Variants in SYN2 observed in about 807,000 individuals in gnomAD.
SYN2 encodes synapsin-2.
A neutral mutation model predicts 50.9 loss-of-function variants in SYN2; 19 were observed. The ratio of observed to expected loss-of-function variants is 0.37; its 90% CI spans 0.26 to 0.55. The LOEUF is 0.55. Ranked by LOEUF, SYN2 falls within the 20% of genes least tolerant of loss-of-function variation. The probability of loss-of-function intolerance (pLI) is 0.81; values close to 1 mark genes in which losing one functional copy is unlikely to be tolerated. For missense variants in SYN2, 587 were observed against 576.4 expected (o/e 1.02, Z -0.19); for synonymous variants, 255 against 224.9 (o/e 1.13, Z -1.20).
At chr3:12,139,887 CATAAAAATATCTGCTT>C (rs1696976114) in intron 1 of SYN2, among the ~76,000 whole-genome samples, 1 of 152,122 alleles carries the variant, frequency 6.6e-6, no homozygotes, top group Non-Finnish European at 1.5e-5. Flanking sequence ...TAAATATAAG[CATAAAAATATCTGCTT>C]ATAAGGGATT....
chr3:12,185,789 C>T (rs778998900), intron 11 of SYN2: 2 of 983,310 alleles, frequency 2.0e-6, no homozygotes, highest in Non-Finnish European at 2.4e-6. Context: ...GGAAAGCACT[C>T]AGGTTTCTGG....
At chr3:12,035,747 A>C (rs145599277) in intron 1 of SYN2, among the ~76,000 whole-genome samples, 1,737 of 152,270 alleles carry the variant, frequency 0.011, 22 homozygotes, top group Middle Eastern at 0.031. Flanking sequence ...AGTAGAAAGG[A>C]GTGCTAATCT....
In SYN2 at chr3:12,153,429, G is replaced by A. The variant is rs535482539; in HGVS notation, c.774+2103G>A. The A allele has an allele frequency of 4.7e-6, 7 of 1,474,928 alleles. No homozygotes were observed. The South Asian group carries it at 8.0e-5, about 17-fold the overall frequency. The allele number at this position is 1,474,928 out of a possible 1,614,324, so 91.4% of individuals were successfully genotyped here. ...CTTATTAGCTGGCAGCAAGAGGTCA[G>A]GTGGTAATGGCCAAAGCTCTGCAGG... On this transcript the variant is annotated intron_variant, in intron 5 of 12. Coordinates refer to ENST00000621198, the MANE Select transcript of SYN2 (RefSeq NM_133625.6).
chr3:12,052,550 A>T (rs1012530824), intron 1 of SYN2, among the ~76,000 whole-genome samples: 2 of 152,228 alleles, frequency 1.3e-5, no homozygotes, highest in Non-Finnish European at 2.9e-5. Context: ...ATACAAATTT[A>T]TGGAGAAGGA....
Position 12,183,565 on chromosome 3 carries a change from CTG to C in SYN2, c.1369+197_1369+198del, listed in dbSNP as rs1412175945. ...CTGCGTTCTTTCAATGCTGACTGGA[CTG>C]TGTTTTTCCTATGCAGTGTCAGCTC... is the stretch of plus-strand genomic sequence containing the variant. On this transcript the variant is annotated intron_variant, in intron 11 of 12. Coordinates refer to ENST00000621198, the MANE Select transcript of SYN2 (RefSeq NM_133625.6). The C allele has an allele frequency of 1.3e-5, 19 of 1,509,294 alleles. No individual in the cohort carries two copies. In the Admixed American group the frequency reaches 4.3e-4, roughly 34 times the overall value. The allele number at this position is 1,509,294 out of a possible 1,614,324, so 93.5% of individuals were successfully genotyped here. A position where few individuals can be genotyped will look rare whatever the true frequency, so the allele number is the denominator to read the frequency against.
Position 12,046,634 on chromosome 3 carries a change from G to T in SYN2, c.377+41706G>T, listed in dbSNP as rs142071998. ...ACTGGATTGGAGGAAGGGAAGAGTG[G>T]ATGTTCGGAAATTATTAAAAGGCTA... On this transcript the variant is annotated intron_variant, in intron 1 of 12. Transcript: ENST00000621198. Among the ~76,000 whole-genome samples, 5 of 152,248 alleles carry T rather than the reference G, an allele frequency of 3.3e-5. No individual in the cohort carries two copies. In the East Asian group the frequency reaches 9.7e-4, roughly 29 times the overall value.
At chr3:12,092,100 C>T (rs1419783682) in intron 1 of SYN2, among the ~76,000 whole-genome samples, 2 of 148,626 alleles carry the variant, frequency 1.3e-5, no homozygotes, top group African/African-American at 4.9e-5. Context: ...TGTTTTTCAC[C>T]CAAATATGCT....
chr3:12,149,594 A>G (rs1335204241), intron 4 of SYN2, among the ~76,000 whole-genome samples: 4 of 152,142 alleles, frequency 2.6e-5, no homozygotes, highest in Non-Finnish European at 5.9e-5. Context: ...CTCCAGCCTC[A>G]ATCTCAATTT....
intron 1 of SYN2, among the ~76,000 whole-genome samples, chr3:12,119,701 T>G (rs1278737019): frequency 2.0e-5 from 3 of 152,218 alleles, no homozygotes. Context: ...GGTTGTCTGA[T>G]TTTACCTATG....
intron 1 of SYN2, among the ~76,000 whole-genome samples, chr3:12,068,182 A>G (rs1042034976): frequency 1.3e-5 from 2 of 151,946 alleles, no homozygotes; most frequent in African/African-American, 4.8e-5. Context: ...TCAACCTTTT[A>G]TGTCTGAAAA....
chr3:12,061,531 A>G (rs901737842), intron 1 of SYN2, among the ~76,000 whole-genome samples: 3 of 152,118 alleles, frequency 2.0e-5, no homozygotes, highest in East Asian at 1.9e-4. Context: ...TCAACATCAT[A>G]TTGGATAACT....
chr3:12,067,345 T>C (rs887218012), intron 1 of SYN2, among the ~76,000 whole-genome samples: 1 of 152,090 alleles, frequency 6.6e-6, no homozygotes, highest in Non-Finnish European at 1.5e-5. Context: ...ATATGAGAGG[T>C]AAACCTTTCC....
intron 4 of SYN2, among the ~76,000 whole-genome samples, chr3:12,148,092 C>T (rs950423547): frequency 4.0e-5 from 6 of 151,680 alleles, no homozygotes; most frequent in Non-Finnish European, 7.4e-5. Context: ...CCAGCCTGGG[C>T]GACAGAGCGA....
At chr3:12,128,245 AATT>A (rs1696715674) in intron 1 of SYN2, among the ~76,000 whole-genome samples, 1 of 152,102 alleles carries the variant, frequency 6.6e-6, no homozygotes, top group Non-Finnish European at 1.5e-5. Context: ...ACGCCCAGCC[AATT>A]ATTTACATTC....
At chr3:12,090,141 C>G (rs1695795547) in intron 1 of SYN2, among the ~76,000 whole-genome samples, 1 of 151,998 alleles carries the variant, frequency 6.6e-6, no homozygotes, top group African/African-American at 2.4e-5. Flanking sequence ...ACTTTTTTTT[C>G]TTTTGATAGC....
chr3:12,089,010 AAG>A (rs1319108526), intron 1 of SYN2, among the ~76,000 whole-genome samples: 15 of 152,216 alleles, frequency 9.9e-5, no homozygotes, highest in Admixed American at 9.8e-4. Context: ...AAATTGCTAA[AAG>A]AATAGATTTT....
intron 1 of SYN2, among the ~76,000 whole-genome samples, chr3:12,134,925 G>A (rs1696863056): frequency 6.6e-6 from 1 of 152,156 alleles, no homozygotes; most frequent in Non-Finnish European, 1.5e-5. Context: ...ACTAATGGTT[G>A]CCAATTTTTA....
chr3:12,109,444 A>C (rs1158142826), intron 1 of SYN2, among the ~76,000 whole-genome samples: 3 of 152,220 alleles, frequency 2.0e-5, no homozygotes, highest in Non-Finnish European at 4.4e-5. Context: ...TGTGATTGAG[A>C]AAGTTTTTTT....
intron 1 of SYN2, among the ~76,000 whole-genome samples, chr3:12,095,242 C>T (rs773817178): frequency 6.6e-6 from 1 of 151,598 alleles, no homozygotes; most frequent in Non-Finnish European, 1.5e-5. Flanking sequence ...ACTAAAATAG[C>T]TCTTTTTTAA....
Sources: gnomAD v4.1 joint callset for allele counts (sites outside exome capture counted in the v4.1 genomes callset) on GRCh38, gnomAD v4.1.1 for gene constraint, MANE v1.5 for transcripts, NCBI Gene and HGNC (gene_info 2026-07-23, HGNC 2026-07-21) for gene names.